Variants in FOXP1 observed in about 807,000 individuals in gnomAD.
FOXP1 encodes forkhead box P1.
In FOXP1, 15 loss-of-function variants were observed where a neutral mutation model predicts 98.2. The ratio of observed to expected loss-of-function variants is 0.15; its 90% CI spans 0.10 to 0.24. The LOEUF (loss-of-function observed/expected upper bound fraction) is 0.24, where lower values mean the gene tolerates loss of function less well. Ranked by LOEUF, FOXP1 falls within the 10% of genes least tolerant of loss-of-function variation. FOXP1 has a pLI of 1.00. For synonymous variants in FOXP1, 371 were observed against 314.5 expected, an observed-to-expected ratio of 1.18 and a Z score of -1.90; for missense variants, 633 against 848.5, an observed-to-expected ratio of 0.75 and a Z score of 3.15.
chr3:71,263,372 G>T (rs780875254), intron 5 of FOXP1, among the ~76,000 whole-genome samples: 6 of 152,164 alleles, frequency 3.9e-5, no homozygotes, highest in Non-Finnish European at 8.8e-5. Context: ...AATCGGATGT[G>T]GGGGAATTGG....
intron 5 of FOXP1, among the ~76,000 whole-genome samples, chr3:71,234,128 A>G (rs755792889): frequency 3.3e-5 from 5 of 151,368 alleles, no homozygotes; most frequent in Non-Finnish European, 7.4e-5. Flanking sequence ...AAAAGTCATT[A>G]AAATCGCTTT....
chr3:71,516,768 C>T (rs1276818117), intron 2 of FOXP1, among the ~76,000 whole-genome samples: 1 of 152,146 alleles, frequency 6.6e-6, no homozygotes, highest in African/African-American at 2.4e-5. Context: ...ATCGCTTGAA[C>T]TCGGGAGGCA....
chr3:70,971,472 T>TA (rs965156675), intron 18 of FOXP1: 8 of 153,718 alleles, frequency 5.2e-5, no homozygotes, highest in Non-Finnish European at 1.0e-4. Context: ...ATAAAAATAT[T>TA]AAAAAATTAC....
intron 6 of FOXP1, among the ~76,000 whole-genome samples, chr3:71,168,293 G>A (rs2061484229): frequency 7.4e-6 from 1 of 135,974 alleles, no homozygotes. Context: ...CAAGGAATGA[G>A]TTTAAAAGAA....
chr3:71,151,816 T>C (rs1026326811), intron 6 of FOXP1, among the ~76,000 whole-genome samples: 2 of 152,166 alleles, frequency 1.3e-5, no homozygotes, highest in Admixed American at 6.5e-5. Context: ...TGCCCTATTT[T>C]ACAAACACTC....
At chr3:71,064,140 C>T (rs560422489) in intron 7 of FOXP1, among the ~76,000 whole-genome samples, 1 of 152,184 alleles carries the variant, frequency 6.6e-6, no homozygotes, top group Non-Finnish European at 1.5e-5. Flanking sequence ...CCCAACCTGC[C>T]AGAGTGTTCC....
intron 3 of FOXP1, among the ~76,000 whole-genome samples, chr3:71,460,430 G>GT (rs1202216641): frequency 1.1e-3 from 166 of 148,334 alleles, no homozygotes; most frequent in South Asian, 1.5e-3. Context: ...GGTTTTTTTC[G>GT]TTTTTTTTTG....
chr3:71,468,802 T>G (rs1472067707), intron 3 of FOXP1, among the ~76,000 whole-genome samples: 1 of 152,184 alleles, frequency 6.6e-6, no homozygotes, highest in African/African-American at 2.4e-5. Context: ...AGAACAGCAC[T>G]TCACTGCTGA....
Position 71,520,697 on chromosome 3 carries a change from G to A in FOXP1, c.-297-27142C>T, listed in dbSNP as rs535493004. Among the ~76,000 whole-genome samples, 3 of 152,360 alleles carry A rather than the reference G, an allele frequency of 2.0e-5. No individual in the cohort carries two copies. The South Asian group carries it at 6.2e-4, about 32-fold the overall frequency. ...ATACCCAAAATGCTGAGAACAGTGTGTATCAGAAACCTGTCGGTCTTGTGT... is the reference window on the plus strand; with the variant it reads ...ATACCCAAAATGCTGAGAACAGTGTATATCAGAAACCTGTCGGTCTTGTGT... On this transcript the variant is annotated intron_variant, in intron 2 of 20. Transcript: ENST00000649528.
At chr3:71,131,991 G>A (rs2059597681) in intron 6 of FOXP1, among the ~76,000 whole-genome samples, 1 of 152,176 alleles carries the variant, frequency 6.6e-6, no homozygotes, top group Non-Finnish European at 1.5e-5. Flanking sequence ...AGTATCCAAT[G>A]CAAATGTTCC....
At chr3:71,532,233 G>A (rs189675251) in intron 2 of FOXP1, among the ~76,000 whole-genome samples, 2 of 152,254 alleles carry the variant, frequency 1.3e-5, no homozygotes, top group East Asian at 3.9e-4. Context: ...CTGAGTAGCT[G>A]GAACTACAGA....
In FOXP1 at chr3:70,957,022, T is replaced by C. The variant is rs1482505819; in HGVS notation, c.*2225A>G. 1 of 222,140 alleles carries C rather than the reference T, an allele frequency of 4.5e-6. No individual in the cohort carries two copies. The highest frequency in any genetic ancestry group is 9.0e-6 in the Non-Finnish European group (1 of 111,308). 13.8% of individuals were successfully genotyped at this position (222,140 alleles called of 1,614,324 possible). On this transcript the variant is annotated 3_prime_UTR_variant, in exon 21 of 21. Coordinates refer to ENST00000649528, the MANE Select transcript of FOXP1 (RefSeq NM_001349338.3). ...TCACAGCACAGTTCTTAAACAAAAG[T>C]GGCATACAATCTAAAAATATCTCTT... is the stretch of plus-strand genomic sequence containing the variant.
chr3:71,077,535 A>G (rs1576615160), intron 7 of FOXP1, among the ~76,000 whole-genome samples: 1 of 152,162 alleles, frequency 6.6e-6, no homozygotes. Flanking sequence ...CACGAGGAGA[A>G]GAGGTCACCA....
chr3:71,107,682 T>G (rs1271626436), intron 7 of FOXP1, among the ~76,000 whole-genome samples: 2 of 152,144 alleles, frequency 1.3e-5, no homozygotes, highest in Non-Finnish European at 2.9e-5. Flanking sequence ...TTCTTAAGGG[T>G]CAGTACTTCA....
chr3:71,516,294 G>A (rs2042575169), intron 2 of FOXP1, among the ~76,000 whole-genome samples: 1 of 152,142 alleles, frequency 6.6e-6, no homozygotes, highest in Non-Finnish European at 1.5e-5. Context: ...GTGTGTGTGT[G>A]CACACGTGTG....
intron 5 of FOXP1, among the ~76,000 whole-genome samples, chr3:71,211,692 G>A (rs1027713311): frequency 1.3e-5 from 2 of 152,180 alleles, no homozygotes; most frequent in African/African-American, 4.8e-5. Flanking sequence ...GGGAAGGACT[G>A]ATTTTTCTTT....
chr3:71,505,264 G>C (rs1322458611), intron 2 of FOXP1, among the ~76,000 whole-genome samples: 2 of 152,076 alleles, frequency 1.3e-5, no homozygotes, highest in African/African-American at 4.8e-5. Context: ...GCAAACCCGG[G>C]AAGCAGAAAA....
chr3:71,228,967 GTT>G (rs1553789880), intron 5 of FOXP1, among the ~76,000 whole-genome samples: 2 of 59,366 alleles, frequency 3.4e-5, no homozygotes. Flanking sequence ...ACTGTTGGTT[GTT>G]TTTTTTTTTT....
chr3:71,137,820 C>T (rs914469745), intron 6 of FOXP1, among the ~76,000 whole-genome samples: 18 of 150,584 alleles, frequency 1.2e-4, no homozygotes, highest in African/African-American at 3.2e-4. Context: ...TGGTGCAAGA[C>T]CATGGGCTTT....
Sources: allele counts gnomAD v4.1 joint callset (sites outside exome capture counted in the v4.1 genomes callset), GRCh38; gene constraint gnomAD v4.1.1; transcripts MANE v1.5; gene names NCBI Gene and HGNC (gene_info 2026-07-23, HGNC 2026-07-21).